Variants in RELCH observed in about 807,000 individuals in gnomAD.
The protein encoded by RELCH is RAB11 binding and LisH domain, coiled-coil and HEAT repeat containing, also known as RAB11-binding protein RELCH.
Under a neutral mutation model 150.3 loss-of-function variants are expected in RELCH, and 41 were observed. That is an observed-to-expected ratio of 0.27 (90% CI 0.21 to 0.35). The LOEUF (loss-of-function observed/expected upper bound fraction) is 0.35. Among genes scored for constraint, RELCH ranks in the 10% least tolerant of loss-of-function variants. RELCH has a pLI of 1.00. For missense variants in RELCH, 1,092 were observed against 1,467.8 expected (o/e 0.74, Z 4.18); for synonymous variants, 478 against 531.8 (o/e 0.90, Z 1.39).
chr18:62,303,512 A>G (rs944198053), intron 28 of RELCH, among the ~76,000 whole-genome samples: 1 of 152,186 alleles, frequency 6.6e-6, no homozygotes, highest in Non-Finnish European at 1.5e-5. Flanking sequence ...TATCTCAACT[A>G]TGGTCTGACC....
chr18:62,241,202 G>A (rs1185164649), intron 10 of RELCH, among the ~76,000 whole-genome samples: 1 of 152,130 alleles, frequency 6.6e-6, no homozygotes, highest in Non-Finnish European at 1.5e-5. Context: ...TTCTTGCAAT[G>A]TATTTTCCTA....
In RELCH at chr18:62,187,702, G is replaced by C. The variant is rs2038217445; in HGVS notation, c.197G>C (p.Ser66Thr). The change falls in exon 1 of 29, where the codon AGT becomes ACT. Residue 66 changes from serine (S) to threonine (T), a missense_variant. This residue lies in a region of RELCH where 138 missense variants were observed against 124.8 expected (regional missense o/e 1.11). Coordinates refer to ENST00000644646, the MANE Select transcript of RELCH (RefSeq NM_001346231.2). ...SPQDPVALGS[S>T]ARPGLPGEAS... ...CAGGATCCCGTGGCCTTAGGAAGCA[G>C]TGCGCGGCCAGGGCTCCCTGGGGAG... is the stretch of plus-strand genomic sequence containing the variant. 6.3e-7 allele frequency: 1 copy of C among 1,597,116 alleles called. No individual in the cohort carries two copies. Among genetic ancestry groups the C allele is most frequent in the Non-Finnish European group, 8.6e-7 (1 of 1,168,670 alleles).
chr18:62,294,463 T>C (rs1350549092), intron 27 of RELCH, among the ~76,000 whole-genome samples: 1 of 152,218 alleles, frequency 6.6e-6, no homozygotes, highest in South Asian at 2.1e-4. Flanking sequence ...TCCTTTGGTA[T>C]GCTTATTGAT....
rs757930352 is a variant in RELCH, at chr18:62,291,576, T to C, written c.3404T>C (p.Leu1135Ser). The change falls in exon 27 of 29, where the codon TTA becomes TCA. Residue 1135 changes from leucine (L) to serine (S), a missense_variant. Physicochemically the swap from Leu to Ser is moderately radical, Grantham distance 145. This residue lies in a region of RELCH where 707 missense variants were observed against 1,025.4 expected (regional missense o/e 0.69). Transcript: ENST00000644646. Reference sequence around the variant, plus strand: ...GAGGATTTAATGGTTAATCACTTTTTACCTGGTCTCAGATGTTTACGGACT... The same window carrying C: ...GAGGATTTAATGGTTAATCACTTTTCACCTGGTCTCAGATGTTTACGGACT... ...ISEDLMVNHF[L>S]PGLRCLRTDM... is the part of the protein sequence containing the mutation. 1.2e-6 allele frequency: 2 copies of C among 1,611,088 alleles called. No homozygotes were observed. The highest frequency in any genetic ancestry group is 1.7e-6 in the Non-Finnish European group (2 of 1,178,510).
intron 1 of RELCH, among the ~76,000 whole-genome samples, chr18:62,189,816 A>T (rs946974794): frequency 6.6e-6 from 1 of 152,226 alleles, no homozygotes; most frequent in Non-Finnish European, 1.5e-5. Flanking sequence ...CCTTTGCATT[A>T]TACATTTTTA....
chr18:62,231,071 C>A, intron 8 of RELCH, 123 bp from the exon 9 acceptor site: 1 of 618,716 alleles, frequency 1.6e-6, no homozygotes, highest in Non-Finnish European at 2.7e-6. Context: ...GCTCAGAAAT[C>A]TGGTTAGCTT....
Position 62,264,148 on chromosome 18 carries a change from A to G in RELCH, c.2507+3A>G. ...TTACTGTGGGTTGTCAATCAATTGT[A>G]AGTTACCACCTCCATATTAATTTGA... On this transcript the variant is annotated splice_donor_region_variant and intron_variant, in intron 17 of 28. Coordinates refer to ENST00000644646, the MANE Select transcript of RELCH (RefSeq NM_001346231.2). 1 of 1,594,560 alleles carries G rather than the reference A, an allele frequency of 6.3e-7. No homozygotes were observed. Among genetic ancestry groups the G allele is most frequent in the South Asian group, 1.1e-5 (1 of 88,642 alleles).
rs369928913 is a variant in RELCH at position 62,275,332 on chromosome 18, G to A, written c.2868-42G>A. The A allele has an allele frequency of 1.7e-5, 18 of 1,045,182 alleles. No homozygotes were observed. The African/African-American group carries it at 2.8e-4, about 16-fold the overall frequency. 64.7% of individuals were successfully genotyped at this position (1,045,182 alleles called of 1,614,324 possible). The stretch of plus-strand genomic sequence containing the variant: ...TTTTTCAGTTCACTAGTAAGGGACT[G>A]TGGCTCTCAATTTTAACACTGTTTT... On this transcript the variant is annotated intron_variant, in intron 21 of 28. Coordinates refer to ENST00000644646, the MANE Select transcript of RELCH (RefSeq NM_001346231.2).
rs576329028 is a variant in RELCH, at chr18:62,288,735, C to T, written c.3370+1268C>T. ...AAGTTTAGTTCCACTAAAAGCAGAA[C>T]TTATCATTCTTGATTTCTTGTTGGC... On this transcript the variant is annotated intron_variant, in intron 26 of 28. Coordinates refer to ENST00000644646, the MANE Select transcript of RELCH (RefSeq NM_001346231.2). 2.0e-5 allele frequency among the ~76,000 whole-genome samples: 3 copies of T among 152,200 alleles called. No homozygotes were observed. The East Asian group carries it at 5.8e-4, about 29-fold the overall frequency.
chr18:62,255,364 G>A, intron 12 of RELCH, 43 bp from the exon 13 acceptor site: 2 of 1,218,834 alleles, frequency 1.6e-6, no homozygotes, highest in South Asian at 1.2e-5. Flanking sequence ...AGGAAGGGAG[G>A]GTATGCTGTT....
rs575151714 is a variant in RELCH at position 62,254,922 on chromosome 18, T to C, written c.1825-485T>C. 2.0e-5 allele frequency among the ~76,000 whole-genome samples: 3 copies of C among 152,308 alleles called. No homozygotes were observed. In the East Asian group the frequency reaches 5.8e-4, roughly 29 times the overall value. On this transcript the variant is annotated intron_variant, in intron 12 of 28. Transcript: ENST00000644646. ...AACAGAGGAATGGATTGAAGTCTGC[T>C]TACTTTATAAATAAAAGCATATTTC...
intron 13 of RELCH, among the ~76,000 whole-genome samples, chr18:62,255,942 T>C (rs886809769): frequency 2.0e-5 from 3 of 152,126 alleles, no homozygotes; most frequent in African/African-American, 7.2e-5. Flanking sequence ...TTTACTGCCA[T>C]GCTTTTGCAG....
intron 12 of RELCH, among the ~76,000 whole-genome samples, chr18:62,253,534 A>G (rs2042839568): frequency 6.6e-6 from 1 of 152,098 alleles, no homozygotes; most frequent in Non-Finnish European, 1.5e-5. Flanking sequence ...CCACCTTAAA[A>G]AGATGTGTTT....
chr18:62,299,393 C>G (rs1276775672), intron 28 of RELCH, among the ~76,000 whole-genome samples: 1 of 152,120 alleles, frequency 6.6e-6, no homozygotes, highest in Non-Finnish European at 1.5e-5. Context: ...GCTGTACGTA[C>G]TCTTACTGAA....
chr18:62,269,957 T>C (rs1254448815), intron 20 of RELCH, among the ~76,000 whole-genome samples: 1 of 152,168 alleles, frequency 6.6e-6, no homozygotes, highest in Non-Finnish European at 1.5e-5. Flanking sequence ...TGTTACTGCA[T>C]AACAAACTAC....
In RELCH at chr18:62,306,180, T is replaced by C. The variant is rs955068197; in HGVS notation, c.*646T>C. ...CATTTCAGAACTCTCATGAATATTC[T>C]TTAAGTGCTATTTAAACCTCCCCAG... On this transcript the variant is annotated 3_prime_UTR_variant, in exon 29 of 29. Coordinates refer to ENST00000644646, the MANE Select transcript of RELCH (RefSeq NM_001346231.2). 11 of 152,476 alleles carry C rather than the reference T, an allele frequency of 7.2e-5. No individual in the cohort carries two copies. The highest frequency in any genetic ancestry group is 2.4e-4 in the African/African-American group (10 of 41,462). The allele number at this position is 152,476 out of a possible 1,614,324, so 9.4% of individuals were successfully genotyped here.
At chr18:62,235,751 A>G (rs1024106962) in intron 10 of RELCH, among the ~76,000 whole-genome samples, 8 of 151,974 alleles carry the variant, frequency 5.3e-5, no homozygotes, top group Non-Finnish European at 8.8e-5. Context: ...CAAGAAGGGA[A>G]AGGTTTATCC....
At chr18:62,292,225 A>G (rs1382414532) in intron 27 of RELCH, among the ~76,000 whole-genome samples, 1 of 152,170 alleles carries the variant, frequency 6.6e-6, no homozygotes, top group Non-Finnish European at 1.5e-5. Context: ...TATTCCCTGC[A>G]TCACACTAAT....
chr18:62,294,797 A>T (rs955715523), intron 27 of RELCH, among the ~76,000 whole-genome samples: 1 of 152,172 alleles, frequency 6.6e-6, no homozygotes, highest in African/African-American at 2.4e-5. Flanking sequence ...TTTATGTATG[A>T]TGTGAGCTAG....
Sources: gnomAD v4.1 joint callset for allele counts (sites outside exome capture counted in the v4.1 genomes callset) on GRCh38, gnomAD v4.1.1 for gene constraint, gnomAD v4.1.1 regional missense constraint, MANE v1.5 for transcripts, NCBI Gene and HGNC (gene_info 2026-07-23, HGNC 2026-07-21) for gene names.